ZDHHC15: variants seen among roughly 807,000 people sequenced by gnomAD.
ZDHHC15 encodes zDHHC palmitoyltransferase 15, also known as palmitoyltransferase ZDHHC15.
ZDHHC15 carries 19 observed loss-of-function variants against 31.7 expected under a neutral mutation model. The observed-to-expected ratio is 0.60, with a 90% CI of 0.42 to 0.88. ZDHHC15 has a LOEUF of 0.88. ZDHHC15 is among the 40% of genes least tolerant of loss of function. ZDHHC15 has a pLI of 0.00. For synonymous variants in ZDHHC15, 103 were observed against 90.0 expected (o/e 1.14, Z -0.82); for missense variants, 209 against 251.2 (o/e 0.83, Z 1.14).
intron 10 of ZDHHC15, among the ~76,000 whole-genome samples, chrX:75,388,502 TG>T (rs1365817699): frequency 8.9e-6 from 1 of 112,383 alleles, no homozygotes; most frequent in African/African-American, 3.2e-5. Context: ...TAAGAAAAGC[TG>T]TCCTCTCTTT....
rs1188690407 is a variant in ZDHHC15, at chrX:75,370,331, AATT to A, written c.*2644_*2646del. On this transcript the variant is annotated 3_prime_UTR_variant, in exon 12 of 12. Transcript: ENST00000373367. ...CAAAGAAGCCAGATCAGGGTGTGCT[AATT>A]ATTAAATAAAGTTCTGTATTCTTGA... 1 of 110,803 alleles carries A rather than the reference AATT, an allele frequency of 9.0e-6. No individual in the cohort carries two copies. Among genetic ancestry groups the A allele is most frequent in the Non-Finnish European group, 1.9e-5 (1 of 52,979 alleles). 9.1% of individuals were successfully genotyped at this position (110,803 alleles called of 1,213,427 possible).
chrX:75,401,178 G>A (rs1462035456), intron 10 of ZDHHC15, among the ~76,000 whole-genome samples: 1 of 109,283 alleles, frequency 9.2e-6, no homozygotes, highest in Non-Finnish European at 1.9e-5. Flanking sequence ...ATTGGAGCAC[G>A]GACAGATCAT....
intron 7 of ZDHHC15, among the ~76,000 whole-genome samples, 157 bp from the exon 8 acceptor site, chrX:75,424,941 A>C (rs189952858): frequency 1.8e-5 from 2 of 111,787 alleles, no homozygotes; most frequent in Admixed American, 9.6e-5. Flanking sequence ...TCTTTCTGTC[A>C]ATGATGATAC....
At chrX:75,472,958 T>G (rs764739047) in intron 3 of ZDHHC15, among the ~76,000 whole-genome samples, 1 of 112,088 alleles carries the variant, frequency 8.9e-6, no homozygotes, top group African/African-American at 3.2e-5. Flanking sequence ...GGGCAGAGGT[T>G]TTTCCTCACT....
At chrX:75,436,162 T>C (rs2083849124) in intron 4 of ZDHHC15, among the ~76,000 whole-genome samples, 1 of 111,848 alleles carries the variant, frequency 8.9e-6, no homozygotes, top group Non-Finnish European at 1.9e-5. Flanking sequence ...AATGATCTTT[T>C]GTATTTCTGT....
At chrX:75,508,820 G>T (rs1414880436) in intron 1 of ZDHHC15, among the ~76,000 whole-genome samples, 1 of 110,010 alleles carries the variant, frequency 9.1e-6, no homozygotes, top group East Asian at 2.9e-4. Context: ...TTATTTCCTG[G>T]TTTTTAATTA....
At chrX:75,517,237 G>A (rs1478603259) in intron 1 of ZDHHC15, among the ~76,000 whole-genome samples, 7 of 111,570 alleles carry the variant, frequency 6.3e-5, no homozygotes. Context: ...CCATTACTGG[G>A]AATATACCCA....
chrX:75,388,126 C>A (rs1252087317), intron 10 of ZDHHC15, among the ~76,000 whole-genome samples: 1 of 112,194 alleles, frequency 8.9e-6, no homozygotes, highest in Non-Finnish European at 1.9e-5. Context: ...GAGATAAAGT[C>A]TTTCCCGGAT....
At chrX:75,476,775 C>T (rs1204467527) in intron 3 of ZDHHC15, among the ~76,000 whole-genome samples, 1 of 105,494 alleles carries the variant, frequency 9.5e-6, no homozygotes, top group Non-Finnish European at 1.9e-5. Context: ...CCTTCTCTTC[C>T]CTCCTTCTCT....
chrX:75,483,081 G>GTATATA (rs4019298), intron 2 of ZDHHC15, among the ~76,000 whole-genome samples: 15 of 97,423 alleles, frequency 1.5e-4, no homozygotes, highest in African/African-American at 4.5e-4. Flanking sequence ...ATGTGTATGT[G>GTATATA]TATATATATA....
chrX:75,506,883 C>T (rs763440748), intron 1 of ZDHHC15, among the ~76,000 whole-genome samples: 1 of 111,677 alleles, frequency 9.0e-6, no homozygotes, highest in Non-Finnish European at 1.9e-5. Flanking sequence ...GGTATGTTTC[C>T]TATCCCTGGC....
At chrX:75,449,201 TACACACACACACAC>T (rs3075226) in intron 4 of ZDHHC15, among the ~76,000 whole-genome samples, 2,435 of 76,429 alleles carry the variant, frequency 0.032, 46 homozygotes, top group Middle Eastern at 0.075. Flanking sequence ...TCTCTCTCTA[TACACACACACACAC>T]ACACACACAC....
intron 5 of ZDHHC15, 27 bp downstream of exon 5, chrX:75,431,424 C>A: frequency 8.3e-7 from 1 of 1,198,198 alleles, no homozygotes; most frequent in Non-Finnish European, 1.1e-6. Flanking sequence ...CCAAGCCCAG[C>A]CCAGGGGAAA....
chrX:75,456,530 A>T (rs2084225427), intron 3 of ZDHHC15, among the ~76,000 whole-genome samples: 2 of 111,425 alleles, frequency 1.8e-5, no homozygotes, highest in Admixed American at 9.6e-5. Context: ...AATGGCAATA[A>T]TTAAAAAGTC....
intron 4 of ZDHHC15, among the ~76,000 whole-genome samples, chrX:75,445,097 C>T (rs2084015248): frequency 9.0e-6 from 1 of 110,913 alleles, no homozygotes; most frequent in African/African-American, 3.3e-5. Flanking sequence ...ACTTCTCAGC[C>T]TCCATAATTA....
chrX:75,398,638 C>G (rs893643990), intron 10 of ZDHHC15, among the ~76,000 whole-genome samples: 4 of 111,449 alleles, frequency 3.6e-5, no homozygotes, highest in African/African-American at 1.3e-4. Flanking sequence ...GATCTTGTTC[C>G]TCCTCACTGG....
intron 3 of ZDHHC15, among the ~76,000 whole-genome samples, chrX:75,458,275 A>G (rs1227479562): frequency 8.9e-6 from 1 of 111,823 alleles, no homozygotes; most frequent in Non-Finnish European, 1.9e-5. Context: ...AAACCAATCT[A>G]TGGTGATAGA....
At chrX:75,392,027 T>A (rs1366408817) in intron 10 of ZDHHC15, among the ~76,000 whole-genome samples, 1 of 112,617 alleles carries the variant, frequency 8.9e-6, no homozygotes, top group Non-Finnish European at 1.9e-5. Context: ...AGTGTTGTCA[T>A]CAGTTTAAAA....
At chrX:75,504,938 G>A (rs2085135872) in intron 2 of ZDHHC15, among the ~76,000 whole-genome samples, 1 of 110,865 alleles carries the variant, frequency 9.0e-6, no homozygotes, top group Non-Finnish European at 1.9e-5. Flanking sequence ...CTATGTAACA[G>A]GTAGTATTAT....
Sources: gnomAD v4.1 joint callset for allele counts (sites outside exome capture counted in the v4.1 genomes callset) on GRCh38, gnomAD v4.1.1 for gene constraint, MANE v1.5 for transcripts, NCBI Gene and HGNC (gene_info 2026-07-23, HGNC 2026-07-21) for gene names.